The following STXBP2 variants were observed in gnomAD, a reference collection of about 807,000 sequenced individuals.
STXBP2 encodes the protein syntaxin binding protein 2.
In STXBP2, 47 loss-of-function variants were observed where a neutral mutation model predicts 72.2. The ratio of observed to expected loss-of-function variants is 0.65; its 90% CI spans 0.51 to 0.83. The LOEUF is 0.83. Ranked by LOEUF, STXBP2 falls within the 40% of genes least tolerant of loss-of-function variation. The pLI is 0.00. For missense variants in STXBP2, 702 were observed against 807.6 expected, an observed-to-expected ratio of 0.87 and a Z score of 1.58; for synonymous variants, 367 against 338.7, an observed-to-expected ratio of 1.08 and a Z score of -0.92.
the STXBP2 span, chr19:7,631,246 C>A: frequency 1.1e-5 from 16 of 1,412,854 alleles, no homozygotes; most frequent in African/African-American, 2.3e-4. Flanking sequence ...GAGTAAGGAA[C>A]CGAGAGCAGA....
At chr19:7,639,860 A>ATG (rs559708378) in intron 4 of STXBP2, 53 bp downstream of exon 4, 17 of 1,562,798 alleles carry the variant, frequency 1.1e-5, no homozygotes, top group African/African-American at 2.7e-5. Context: ...GTACATGTGC[A>ATG]TGTGTGTGTA....
intron 3 of STXBP2, 111 bp downstream of exon 3, chr19:7,639,211 C>T (rs1448633464): frequency 8.6e-7 from 1 of 1,158,334 alleles, no homozygotes; most frequent in Non-Finnish European, 1.3e-6. Context: ...TCGTCCAGAA[C>T]TCCCAAGTAC....
Position 7,641,863 on chromosome 19 carries a change from C to CCACCCA in STXBP2, c.578+11_578+16dup. Reference sequence around the variant, plus strand: ...CCATCCGCTACCGCAAGTGGGGACCCCACCCAGCCCCACCCCGATGCCGAC... The same window carrying CCACCCA: ...CCATCCGCTACCGCAAGTGGGGACCCCACCCACACCCAGCCCCACCCCGATGCCGAC... On this transcript the variant is annotated intron_variant, in intron 7 of 18. Coordinates refer to ENST00000221283, the MANE Select transcript of STXBP2 (RefSeq NM_006949.4). The CCACCCA allele has an allele frequency of 6.4e-7, 1 of 1,553,310 alleles. No homozygotes were observed. The highest frequency in any genetic ancestry group is 8.7e-7 in the Non-Finnish European group (1 of 1,148,998).
chr19:7,640,412 G>GTA, intron 4 of STXBP2: 1 of 574,532 alleles, frequency 1.7e-6, no homozygotes, highest in East Asian at 3.6e-5. Context: ...ATGTGTGTAT[G>GTA]TATGTGTGCG....
intron 4 of STXBP2, chr19:7,640,106 G>A: frequency 1.7e-6 from 1 of 601,702 alleles, no homozygotes; most frequent in Non-Finnish European, 3.1e-6. Context: ...ATTTGTGTCT[G>A]TGCATGTGTG....
chr19:7,630,978 G>T, the STXBP2 span: 2 of 1,188,150 alleles, frequency 1.7e-6, no homozygotes, highest in Admixed American at 2.0e-5. Flanking sequence ...GGAGGCTGAG[G>T]TGGGTAGATC....
intron 14 of STXBP2, 72 bp from the exon 15 acceptor site, chr19:7,645,125 C>A: frequency 6.6e-7 from 1 of 1,507,598 alleles, no homozygotes; most frequent in Non-Finnish European, 9.0e-7. Flanking sequence ...GCTCCTCAGC[C>A]CACCCCAAAC....
At chr19:7,631,970 G>T, upstream of STXBP2, 1 of 708,706 alleles carries the variant, frequency 1.4e-6, no homozygotes, top group Non-Finnish European at 2.0e-6. Context: ...TGGCATTTGA[G>T]TGTGAGGTGG....
Position 7,641,814 on chromosome 19 carries a change from G to A in STXBP2, c.539G>A (p.Cys180Tyr), listed in dbSNP as rs1396653486. ...CTGGCCCAGCAGATTGCCACGCTGT[G>A]CGCCACCCTGCAGGAGTACCCGGCC... Reference protein sequence around the residue: ...EVLAQQIATLCATLQEYPAIR... With the variant: ...EVLAQQIATLYATLQEYPAIR... The change falls in exon 7 of 19, where the codon TGC becomes TAC. Residue 180 changes from cysteine (C) to tyrosine (Y), a missense_variant. Physicochemically the swap from Cys to Tyr is radical, Grantham distance 194. Coordinates refer to ENST00000221283, the MANE Select transcript of STXBP2 (RefSeq NM_006949.4). 1.7e-5 allele frequency: 26 copies of A among 1,551,854 alleles called. No individual in the cohort carries two copies. The highest frequency in any genetic ancestry group is 2.0e-5 in the Non-Finnish European group (23 of 1,148,096).
chr19:7,638,872 A>G, intron 2 of STXBP2, 97 bp downstream of exon 2: 2 of 1,585,356 alleles, frequency 1.3e-6, no homozygotes, highest in South Asian at 1.1e-5. Context: ...CTGCCTGTCC[A>G]CATGGGTGGA....
At position 7,645,310 on chromosome 19, in the gene STXBP2, C is replaced by T. The variant is rs369000333; in HGVS notation, c.1356+4C>T. The T allele has an allele frequency of 2.2e-5, 34 of 1,576,118 alleles. No homozygotes were observed. The highest frequency in any genetic ancestry group is 9.3e-5 in the South Asian group (8 of 86,342). Reference sequence around the variant, plus strand: ...AGGCACTGTCACCAACCCCGGGGTACGCCAGGAGCGGGCATGGGGGGACCC... The same window carrying T: ...AGGCACTGTCACCAACCCCGGGGTATGCCAGGAGCGGGCATGGGGGGACCC... On this transcript the variant is annotated splice_donor_region_variant and intron_variant, in intron 15 of 18. Transcript: ENST00000221283.
chr19:7,640,234 CTGTG>C (rs542899930), intron 4 of STXBP2: 106 of 490,470 alleles, frequency 2.2e-4, no homozygotes, highest in Middle Eastern at 5.9e-4. Flanking sequence ...GTGTGTGCGT[CTGTG>C]TGTATCTGTG....
At chr19:7,635,656 A>G (rs1346607724), upstream of STXBP2, among the ~76,000 whole-genome samples, 4 of 152,182 alleles carry the variant, frequency 2.6e-5, no homozygotes, top group Non-Finnish European at 5.9e-5. Flanking sequence ...TGATCGTGCC[A>G]CTGCCCTCCA....
At chr19:7,635,003 C>T (rs1186158872), upstream of STXBP2, among the ~76,000 whole-genome samples, 2 of 152,256 alleles carry the variant, frequency 1.3e-5, no homozygotes, top group East Asian at 1.9e-4. Flanking sequence ...GGGGCCTACT[C>T]TACTCCAGTG....
chr19:7,637,568 C>T (rs1250449634), intron 1 of STXBP2, among the ~76,000 whole-genome samples: 1 of 152,066 alleles, frequency 6.6e-6, no homozygotes, highest in Non-Finnish European at 1.5e-5. Context: ...CCTCCTAGGG[C>T]TCTGGTCAGC....
Position 7,642,102 on chromosome 19 carries a change from C to A in STXBP2, c.647C>A (p.Thr216Asn), listed in dbSNP as rs776842309. ...AAGCTGAACGCCTTCAAGGCAGACA[C>A]TCCCAGTCTGGGCGAGGTGAGGGGG... ...LAKLNAFKADTPSLGEGPEKT... is the reference protein window; with the variant it reads ...LAKLNAFKADNPSLGEGPEKT... The change falls in exon 8 of 19, where the codon ACT becomes AAT. Residue 216 changes from threonine (T) to asparagine (N), a missense_variant. Thr to Asn is a moderately conservative substitution (Grantham distance 65). Transcript: ENST00000221283. The surrounding 1 kb of genome is among the most constrained non-coding windows in gnomAD (Gnocchi z 6.0). 2.1e-5 allele frequency: 34 copies of A among 1,614,146 alleles called. No individual in the cohort carries two copies. The highest frequency in any genetic ancestry group is 2.9e-5 in the Non-Finnish European group (34 of 1,180,020).
At chr19:7,643,827 G>GGGAGAGGGGTGGAGCCT (rs2032003556) in intron 13 of STXBP2, among the ~76,000 whole-genome samples, 1 of 146,078 alleles carries the variant, frequency 6.8e-6, no homozygotes, top group Non-Finnish European at 1.5e-5. Flanking sequence ...GGTGGGACCT[G>GGGAGAGGGGTGGAGCCT]GGAGAGGGGT....
In STXBP2 at chr19:7,647,368, A is replaced by G; in HGVS notation, c.1553A>G (p.His518Arg). ...SQAAVSARFGHWHKNKAGIEA... is the reference protein window; with the variant it reads ...SQAAVSARFGRWHKNKAGIEA... Reference sequence around the variant, plus strand: ...GCCCTGCACAGTGCCCGCTTCGGTCACTGGCACAAGAACAAGGCTGGCATA... The same window carrying G: ...GCCCTGCACAGTGCCCGCTTCGGTCGCTGGCACAAGAACAAGGCTGGCATA... Residue 518 changes from histidine (H) to arginine (R), a missense_variant, in exon 18 of 19, where the codon CAC becomes CGC. Transcript: ENST00000221283. The G allele has an allele frequency of 6.2e-7, 1 of 1,613,348 alleles. No homozygotes were observed. Among genetic ancestry groups the G allele is most frequent in the Non-Finnish European group, 8.5e-7 (1 of 1,179,954 alleles).
In STXBP2 at chr19:7,643,262, G is replaced by C. The variant is rs374453678; in HGVS notation, c.1107+17G>C. ...GTGGAGCAGGTGGGGCAGGGCTTGC[G>C]GGGGGCAGGGGTGATGGTCCTGCCA... On this transcript the variant is annotated intron_variant, in intron 13 of 18. Coordinates refer to ENST00000221283, the MANE Select transcript of STXBP2 (RefSeq NM_006949.4). 3 of 1,612,064 alleles carry C rather than the reference G, an allele frequency of 1.9e-6. No individual in the cohort carries two copies. In the African/African-American group the frequency reaches 4.0e-5, roughly 22 times the overall value.
Sources: allele counts gnomAD v4.1 joint callset (sites outside exome capture counted in the v4.1 genomes callset), GRCh38; gene constraint gnomAD v4.1.1; non-coding constraint Gnocchi (gnomAD v3.1); transcripts MANE v1.5; gene names NCBI Gene and HGNC (gene_info 2026-07-23, HGNC 2026-07-21).